DSCAM: variants seen among roughly 807,000 people sequenced by gnomAD.
The protein encoded by DSCAM is cell adhesion molecule DSCAM.
In DSCAM, 47 loss-of-function variants were observed where a neutral mutation model predicts 217.7. The observed-to-expected ratio is 0.22, with a 90% CI of 0.17 to 0.28. The LOEUF (loss-of-function observed/expected upper bound fraction) is 0.28. Among genes scored for constraint, DSCAM ranks in the 10% least tolerant of loss-of-function variants. The pLI, the probability that DSCAM is intolerant of heterozygous loss-of-function variation, is 1.00. For missense variants in DSCAM, 2,080 were observed against 2,618.3 expected, an observed-to-expected ratio of 0.79 and a Z score of 4.49; for synonymous variants, 1,056 against 1,015.3, an observed-to-expected ratio of 1.04 and a Z score of -0.76.
intron 3 of DSCAM, among the ~76,000 whole-genome samples, chr21:40,680,613 C>G (rs1034306657): frequency 6.6e-6 from 1 of 152,230 alleles, no homozygotes; most frequent in Non-Finnish European, 1.5e-5. Flanking sequence ...TTTGACTCTG[C>G]TCTACTGCAG....
intron 3 of DSCAM, among the ~76,000 whole-genome samples, chr21:40,531,233 T>C (rs568859931): frequency 6.2e-4 from 94 of 152,312 alleles, no homozygotes; most frequent in African/African-American, 2.1e-3. Flanking sequence ...TTGCCTGGAA[T>C]CTGCCTCCCT....
intron 1 of DSCAM, among the ~76,000 whole-genome samples, chr21:40,780,449 C>T (rs974900198): frequency 1.4e-5 from 1 of 69,488 alleles, no homozygotes; most frequent in Admixed American, 1.8e-4. Flanking sequence ...ATATATATAT[C>T]TCCTGTTATC....
intron 16 of DSCAM, among the ~76,000 whole-genome samples, chr21:40,162,317 C>T (rs1554942): frequency 0.16 from 23,798 of 152,114 alleles, 2,273 homozygotes; most frequent in East Asian, 0.26. Context: ...TTGTGCCTGG[C>T]GGGGAGCAAA....
intron 3 of DSCAM, among the ~76,000 whole-genome samples, chr21:40,377,692 C>T (rs919506060): frequency 2.6e-5 from 4 of 151,788 alleles, no homozygotes; most frequent in African/African-American, 9.7e-5. Flanking sequence ...TTAGTAACTC[C>T]CCAGGAAGGG....
chr21:40,303,519 G>A (rs1404405703), intron 9 of DSCAM, among the ~76,000 whole-genome samples: 1 of 151,956 alleles, frequency 6.6e-6, no homozygotes, highest in African/African-American at 2.4e-5. Context: ...ATTTTTCATA[G>A]TCCTTGTAGA....
At position 40,654,886 on chromosome 21, in the gene DSCAM, G is replaced by A. The variant is rs762342678; in HGVS notation, c.508+37924C>T. ...ATTCACCTTCCAGAAATTAGGACAC[G>A]CACATCTTTAGGGGCCATTACTCTG... On this transcript the variant is annotated intron_variant, in intron 3 of 32. Transcript: ENST00000400454. Among the ~76,000 whole-genome samples, 12 of 152,038 alleles carry A rather than the reference G, an allele frequency of 7.9e-5. 1 individual carries two copies. The South Asian group carries it at 8.3e-4, about 11-fold the overall frequency.
intron 8 of DSCAM, among the ~76,000 whole-genome samples, chr21:40,315,187 T>A (rs2081231266): frequency 6.6e-6 from 1 of 151,892 alleles, no homozygotes; most frequent in Non-Finnish European, 1.5e-5. Context: ...TCACCAGAGG[T>A]CAGGAGTTCG....
chr21:40,372,456 T>C (rs2074908408), intron 3 of DSCAM, among the ~76,000 whole-genome samples: 1 of 152,220 alleles, frequency 6.6e-6, no homozygotes, highest in South Asian at 2.1e-4. Flanking sequence ...TCATACTTTT[T>C]GTCATGTTAG....
intron 20 of DSCAM, among the ~76,000 whole-genome samples, chr21:40,109,995 G>A (rs1188667153): frequency 6.6e-6 from 1 of 152,138 alleles, no homozygotes; most frequent in Non-Finnish European, 1.5e-5. Context: ...CTGGGGGCAG[G>A]GCATAGCCAA....
At chr21:40,780,421 G>A (rs1448770393) in intron 1 of DSCAM, among the ~76,000 whole-genome samples, 11,462 of 41,698 alleles carry the variant, frequency 0.27, 1,175 homozygotes, top group Non-Finnish European at 0.34. Flanking sequence ...GTGTGTGTGT[G>A]TGTATATATA....
At chr21:40,670,716 T>C (rs1341426100) in intron 3 of DSCAM, among the ~76,000 whole-genome samples, 2 of 152,210 alleles carry the variant, frequency 1.3e-5, no homozygotes, top group African/African-American at 4.8e-5. Flanking sequence ...TGTACCACAT[T>C]TGCATTACTC....
At chr21:40,658,392 T>C (rs8132096) in intron 3 of DSCAM, among the ~76,000 whole-genome samples, 96,866 of 152,028 alleles carry the variant, frequency 0.64, 31,054 homozygotes, top group African/African-American at 0.67. Flanking sequence ...GCTGCTTCTG[T>C]CATGGCTTAA....
At chr21:40,293,974 G>A (rs551326440) in intron 10 of DSCAM, among the ~76,000 whole-genome samples, 2 of 152,304 alleles carry the variant, frequency 1.3e-5, no homozygotes, top group South Asian at 4.1e-4. Context: ...GCAATTGCTT[G>A]GGGACAGGAC....
intron 14 of DSCAM, among the ~76,000 whole-genome samples, chr21:40,180,926 T>G (rs770502764): frequency 6.6e-6 from 1 of 152,010 alleles, no homozygotes; most frequent in Non-Finnish European, 1.5e-5. Flanking sequence ...ATAGGTTCCT[T>G]TAGCTCAGCC....
intron 20 of DSCAM, among the ~76,000 whole-genome samples, chr21:40,106,351 A>G (rs994436520): frequency 6.6e-6 from 1 of 152,110 alleles, no homozygotes; most frequent in African/African-American, 2.4e-5. Flanking sequence ...AAGCTTTTTG[A>G]TGTATTGCTG....
intron 3 of DSCAM, among the ~76,000 whole-genome samples, chr21:40,444,183 T>C (rs966746690): frequency 1.3e-5 from 2 of 152,170 alleles, no homozygotes; most frequent in Non-Finnish European, 2.9e-5. Context: ...CTCAGGATAC[T>C]AGATTGTGGC....
rs1054137228 is a variant in DSCAM at position 40,641,744 on chromosome 21, TA to T, written c.508+51065del. Among the ~76,000 whole-genome samples the T allele has an allele frequency of 3.3e-5, 5 of 152,282 alleles. No individual in the cohort carries two copies. In the East Asian group the frequency reaches 9.7e-4, roughly 29 times the overall value. ...CATGGAGAGCCTTACTACACACTGA[TA>T]AAAGCCAAGTTAATATGTATTTCAA... On this transcript the variant is annotated intron_variant, in intron 3 of 32. Coordinates refer to ENST00000400454, the MANE Select transcript of DSCAM (RefSeq NM_001389.5).
chr21:40,158,718 C>A (rs1390938715), intron 16 of DSCAM, among the ~76,000 whole-genome samples: 1 of 152,190 alleles, frequency 6.6e-6, no homozygotes, highest in Non-Finnish European at 1.5e-5. Context: ...ACCCTGTTTC[C>A]AACTTCAAAT....
At chr21:40,778,338 G>T (rs1408528999) in intron 1 of DSCAM, among the ~76,000 whole-genome samples, 2 of 152,166 alleles carry the variant, frequency 1.3e-5, no homozygotes. Context: ...ACAGGAGCAT[G>T]TAAGTTTTGT....
Sources: allele counts gnomAD v4.1 joint callset (sites outside exome capture counted in the v4.1 genomes callset), GRCh38; gene constraint gnomAD v4.1.1; transcripts MANE v1.5; gene names NCBI Gene and HGNC (gene_info 2026-07-23, HGNC 2026-07-21).